The following VPS35L variants were observed in gnomAD, a reference collection of about 807,000 sequenced individuals.
VPS35L encodes VPS35 endosomal protein-sorting factor-like.
Under a neutral mutation model 133.0 loss-of-function variants are expected in VPS35L, and 83 were observed. The ratio of observed to expected loss-of-function variants is 0.62; its 90% confidence interval spans 0.52 to 0.75. VPS35L has a LOEUF of 0.75. Among genes scored for constraint, VPS35L ranks in the 30% least tolerant of loss-of-function variants. The probability of loss-of-function intolerance (pLI) is 0.00; values close to 1 mark genes in which losing one functional copy is unlikely to be tolerated. For missense variants in VPS35L, 1,083 were observed against 1,206.8 expected (o/e 0.90, Z 1.52); for synonymous variants, 423 against 449.9 (o/e 0.94, Z 0.76).
chr16:19,584,645 G>A (rs57389305), intron 7 of VPS35L, among the ~76,000 whole-genome samples: 31,569 of 135,286 alleles, frequency 0.23, 4,290 homozygotes, highest in African/African-American at 0.38. Flanking sequence ...AAAAAAAAAA[G>A]AGTTTCCTTT....
At chr16:19,595,373 G>A (rs1174088153) in intron 8 of VPS35L, among the ~76,000 whole-genome samples, 5 of 152,118 alleles carry the variant, frequency 3.3e-5, no homozygotes, top group Non-Finnish European at 7.4e-5. Context: ...TAGGTTCTCA[G>A]GTTAGATGTC....
intron 27 of VPS35L, among the ~76,000 whole-genome samples, chr16:19,679,355 G>T: frequency 6.7e-6 from 1 of 149,912 alleles, no homozygotes; most frequent in Admixed American, 6.6e-5. Context: ...GGAGTGCAGT[G>T]GTGCCATCAT....
chr16:19,628,634 T>G lies in VPS35L; in HGVS notation c.1384-3T>G. 6.6e-7 allele frequency: 1 copy of G among 1,507,764 alleles called. No individual in the cohort carries two copies. Among genetic ancestry groups the G allele is most frequent in the Non-Finnish European group, 9.2e-7 (1 of 1,092,648 alleles). 93.4% of individuals were successfully genotyped at this position (1,507,764 alleles called of 1,614,324 possible). A position where few individuals can be genotyped will look rare whatever the true frequency, so the allele number is the denominator to read the frequency against. On this transcript the variant is annotated splice_polypyrimidine_tract_variant and splice_region_variant and intron_variant, in intron 16 of 30. Transcript: ENST00000417362. ...TAACATGATGGTTTGACATGTTTCT[T>G]AGCATCTTCTTTTTCGATCACTGGG...
Position 19,564,916 on chromosome 16 carries a change from A to T in VPS35L, c.83A>T (p.Glu28Val). ...ASCRLEAVPL[E>V]FGDYHPLKPI... The stretch of plus-strand genomic sequence containing the variant: ...TGCCGACTGGAGGCTGTACCATTGG[A>T]GTTTGGGGACTATCACCCTCTGAAA... The change falls in exon 2 of 31, where the codon GAG becomes GTG. Residue 28 changes from glutamate to valine, a missense_variant. By Grantham distance (121) the Glu-to-Val change is moderately radical. Transcript: ENST00000417362. 6.2e-7 allele frequency: 1 copy of T among 1,613,472 alleles called. No individual in the cohort carries two copies. Among genetic ancestry groups the T allele is most frequent in the Non-Finnish European group, 8.5e-7 (1 of 1,179,532 alleles).
rs1275182369 is a variant in VPS35L at position 19,666,880 on chromosome 16, CTT to C, written c.2222-2278_2222-2277del. 3.3e-5 allele frequency among the ~76,000 whole-genome samples: 3 copies of C among 91,482 alleles called. No homozygotes were observed. In the Admixed American group the frequency reaches 3.7e-4, roughly 11 times the overall value. The allele number at this position is 91,482 out of a possible 152,430, so 60.0% of individuals were successfully genotyped here. A position where few individuals can be genotyped will look rare whatever the true frequency, so the allele number is the denominator to read the frequency against. On this transcript the variant is annotated intron_variant, in intron 26 of 30. Transcript: ENST00000417362. ...CATAAGTAGGGCCATGTTTTTCTTT[CTT>C]TCTTTCTTTCTTTCTTTCTTTCTTT...
At chr16:19,585,503 G>C (rs1971836987) in intron 7 of VPS35L, among the ~76,000 whole-genome samples, 1 of 150,922 alleles carries the variant, frequency 6.6e-6, no homozygotes, top group Non-Finnish European at 1.5e-5. Context: ...CTGGCCTCAA[G>C]CGATCCTCCC....
At chr16:19,638,335 C>T (rs545050074) in intron 20 of VPS35L, among the ~76,000 whole-genome samples, 5 of 152,322 alleles carry the variant, frequency 3.3e-5, no homozygotes, top group South Asian at 4.1e-4. Context: ...TATTGCCTCA[C>T]ATTAGTTTCA....
chr16:19,692,446 G>A (rs1043876383), intron 29 of VPS35L, among the ~76,000 whole-genome samples: 4 of 152,308 alleles, frequency 2.6e-5, no homozygotes, highest in East Asian at 1.9e-4. Context: ...ATTCAGAGCC[G>A]TTGATATTTC....
rs989763618 is a variant in VPS35L at position 19,590,155 on chromosome 16, C to A, written c.640-1635C>A. 1.7e-4 allele frequency among the ~76,000 whole-genome samples: 16 copies of A among 94,212 alleles called. No homozygotes were observed. The South Asian group carries it at 4.3e-3, about 25-fold the overall frequency. 61.8% of individuals were successfully genotyped at this position (94,212 alleles called of 152,430 possible). A position where few individuals can be genotyped will look rare whatever the true frequency, so the allele number is the denominator to read the frequency against. The stretch of plus-strand genomic sequence containing the variant: ...TCCCGCCCCGCCCCCCCCCCCCCCC[C>A]CACAAATAACATTTGGGCTGTAAGG... On this transcript the variant is annotated intron_variant, in intron 7 of 30. Transcript: ENST00000417362.
At chr16:19,570,871 A>ATTTT (rs1567388653) in intron 3 of VPS35L, among the ~76,000 whole-genome samples, 1 of 55,530 alleles carries the variant, frequency 1.8e-5, no homozygotes, top group African/African-American at 1.4e-4. Flanking sequence ...ATATATATAT[A>ATTTT]TATATATATA....
chr16:19,656,407 A>C (rs1293444619), intron 26 of VPS35L, among the ~76,000 whole-genome samples: 4 of 150,084 alleles, frequency 2.7e-5, no homozygotes, highest in Non-Finnish European at 5.9e-5. Flanking sequence ...CTGGTTGAGT[A>C]AATGGCCTGA....
intron 22 of VPS35L, among the ~76,000 whole-genome samples, chr16:19,643,273 G>A (rs1361645795): frequency 2.0e-5 from 3 of 152,192 alleles, no homozygotes; most frequent in Non-Finnish European, 4.4e-5. Context: ...GACACAAAAA[G>A]CATCCAGAAA....
At chr16:19,697,218 T>C (rs1193065549) in intron 29 of VPS35L, among the ~76,000 whole-genome samples, 2 of 152,200 alleles carry the variant, frequency 1.3e-5, no homozygotes, top group South Asian at 2.1e-4. Flanking sequence ...GCTGCTTCTG[T>C]GACTGTCGCT....
intron 1 of VPS35L, among the ~76,000 whole-genome samples, chr16:19,562,597 A>T (rs1399811378): frequency 6.6e-6 from 1 of 152,220 alleles, no homozygotes; most frequent in Non-Finnish European, 1.5e-5. Flanking sequence ...CACACATTGC[A>T]TAAACAATTT....
At chr16:19,628,014 A>C (rs1973324169) in intron 16 of VPS35L, among the ~76,000 whole-genome samples, 1 of 152,168 alleles carries the variant, frequency 6.6e-6, no homozygotes, top group African/African-American at 2.4e-5. Context: ...ATGAGCCCTA[A>C]ATCTATCAGA....
chr16:19,676,588 G>A (rs1284635865), intron 27 of VPS35L, among the ~76,000 whole-genome samples: 1 of 152,092 alleles, frequency 6.6e-6, no homozygotes, highest in African/African-American at 2.4e-5. Context: ...CAATTTGCAA[G>A]AAATGGAAAT....
At chr16:19,637,068 A>C (rs1657034017) in intron 19 of VPS35L, among the ~76,000 whole-genome samples, 2 of 151,564 alleles carry the variant, frequency 1.3e-5, no homozygotes, top group South Asian at 4.1e-4. Flanking sequence ...TTTGTGAATA[A>C]AGTTTTATTG....
In VPS35L at chr16:19,596,177, C is replaced by T. The variant is rs554079332; in HGVS notation, c.724+4303C>T. 1.3e-4 allele frequency among the ~76,000 whole-genome samples: 20 copies of T among 152,280 alleles called. No homozygotes were observed. The East Asian group carries it at 2.3e-3, about 18-fold the overall frequency. The stretch of plus-strand genomic sequence containing the variant: ...AGAAGGAAAGTAGCTTGCCCAGGGT[C>T]ACCATCATAGTGAATTGCAGAGCTG... On this transcript the variant is annotated intron_variant, in intron 8 of 30. Transcript: ENST00000417362.
At chr16:19,663,531 C>A (rs74011491) in intron 26 of VPS35L, among the ~76,000 whole-genome samples, 1 of 147,680 alleles carries the variant, frequency 6.8e-6, no homozygotes, top group Non-Finnish European at 1.5e-5. Context: ...TTTTTTCCCC[C>A]GCCACCCTCC....
Sources: allele counts gnomAD v4.1 joint callset (sites outside exome capture counted in the v4.1 genomes callset), GRCh38; gene constraint gnomAD v4.1.1; transcripts MANE v1.5; gene names NCBI Gene and HGNC (gene_info 2026-07-23, HGNC 2026-07-21).